Variants in PTPRD observed in about 807,000 individuals in gnomAD.
PTPRD encodes protein tyrosine phosphatase receptor type D.
Under a neutral mutation model 214.5 loss-of-function variants are expected in PTPRD, and 34 were observed. The ratio of observed to expected loss-of-function variants is 0.16; its 90% confidence interval spans 0.12 to 0.21. The LOEUF (loss-of-function observed/expected upper bound fraction) is 0.21, where lower values mean the gene tolerates loss of function less well. Among genes scored for constraint, PTPRD ranks in the 10% least tolerant of loss-of-function variants. The pLI, the probability that PTPRD is intolerant of heterozygous loss-of-function variation, is 1.00. For missense variants in PTPRD, 2,545 were observed against 2,398.7 expected, an observed-to-expected ratio of 1.06 and a Z score of -1.27; for synonymous variants, 1,128 against 845.7, an observed-to-expected ratio of 1.33 and a Z score of -5.79.
chr9:10,306,608 C>A (rs1039563351), intron 3 of PTPRD, among the ~76,000 whole-genome samples: 3 of 152,040 alleles, frequency 2.0e-5, no homozygotes, highest in Non-Finnish European at 2.9e-5. Flanking sequence ...AGCAGTTTCT[C>A]AATAAAAGTT....
intron 3 of PTPRD, among the ~76,000 whole-genome samples, chr9:10,140,514 T>A (rs566215245): frequency 6.6e-6 from 1 of 152,116 alleles, no homozygotes; most frequent in East Asian, 1.9e-4. Context: ...ATGGATAAAT[T>A]TCTCGACACA....
intron 3 of PTPRD, among the ~76,000 whole-genome samples, chr9:10,193,092 A>G: frequency 6.6e-6 from 1 of 151,956 alleles, no homozygotes; most frequent in Non-Finnish European, 1.5e-5. Flanking sequence ...AGCTTTGTCA[A>G]TTTCCAGATT....
chr9:9,220,896 C>G (rs967419745), intron 9 of PTPRD, among the ~76,000 whole-genome samples: 1 of 152,198 alleles, frequency 6.6e-6, no homozygotes, highest in Non-Finnish European at 1.5e-5. Flanking sequence ...ATTTTGCTGA[C>G]ACTTGCAGGT....
chr9:9,844,594 G>C (rs1466485673), intron 5 of PTPRD, among the ~76,000 whole-genome samples: 1 of 151,832 alleles, frequency 6.6e-6, no homozygotes, highest in East Asian at 1.9e-4. Flanking sequence ...ATATTAATTA[G>C]AAAAATAGGG....
chr9:9,594,512 C>T (rs2093084904), intron 7 of PTPRD, among the ~76,000 whole-genome samples: 1 of 152,000 alleles, frequency 6.6e-6, no homozygotes, highest in Non-Finnish European at 1.5e-5. Context: ...TATCCCAGCA[C>T]CATTTGTTGA....
intron 11 of PTPRD, among the ~76,000 whole-genome samples, chr9:8,834,388 T>C (rs1043024856): frequency 1.3e-5 from 2 of 151,672 alleles, no homozygotes; most frequent in Admixed American, 1.3e-4. Flanking sequence ...TAAAATGTTT[T>C]AAAAATTCAG....
At chr9:10,326,204 G>C (rs2154431216) in intron 3 of PTPRD, among the ~76,000 whole-genome samples, 1 of 151,734 alleles carries the variant, frequency 6.6e-6, no homozygotes. Context: ...CAGCTAGACT[G>C]GGCAATTTTT....
At chr9:9,989,016 CAAAAAAAAAAAAAAA>C (rs397836899) in intron 4 of PTPRD, among the ~76,000 whole-genome samples, 3,384 of 36,438 alleles carry the variant, frequency 0.093, 272 homozygotes, top group African/African-American at 0.24. Flanking sequence ...TTTCACTGAC[CAAAAAAAAAAAAAAA>C]AAAAAAAAAA....
intron 3 of PTPRD, among the ~76,000 whole-genome samples, chr9:10,076,316 G>A (rs10958872): frequency 0.19 from 28,850 of 152,014 alleles, 3,323 homozygotes; most frequent in South Asian, 0.29. Flanking sequence ...CAGCTGGGGA[G>A]AAAGGTTTAA....
chr9:8,680,059 T>C (rs1178119824), intron 12 of PTPRD, among the ~76,000 whole-genome samples: 1 of 152,138 alleles, frequency 6.6e-6, no homozygotes, highest in Non-Finnish European at 1.5e-5. Context: ...TTATAAATCA[T>C]ATTTTATATA....
chr9:8,457,155 C>T (rs1385726654), intron 33 of PTPRD, among the ~76,000 whole-genome samples: 3 of 152,086 alleles, frequency 2.0e-5, no homozygotes, highest in Admixed American at 2.0e-4. Context: ...ATCTGGTCCA[C>T]CCACTAACTT....
At chr9:10,484,745 C>T (rs1175670044) in intron 2 of PTPRD, among the ~76,000 whole-genome samples, 1 of 151,890 alleles carries the variant, frequency 6.6e-6, no homozygotes, top group East Asian at 1.9e-4. Flanking sequence ...GTTGTTTGAG[C>T]TCCTTATGTA....
intron 3 of PTPRD, among the ~76,000 whole-genome samples, chr9:10,335,137 TAGA>T (rs1305275428): frequency 6.6e-6 from 1 of 151,556 alleles, no homozygotes; most frequent in Non-Finnish European, 1.5e-5. Context: ...CAAGCCAATA[TAGA>T]AGGAGAAGAA....
At chr9:9,240,806 G>A (rs1321826614) in intron 9 of PTPRD, among the ~76,000 whole-genome samples, 2 of 152,054 alleles carry the variant, frequency 1.3e-5, no homozygotes, top group Non-Finnish European at 2.9e-5. Context: ...TTATGCCACA[G>A]AAACAACCAA....
intron 10 of PTPRD, among the ~76,000 whole-genome samples, chr9:9,065,427 G>A (rs982326723): frequency 2.6e-5 from 4 of 152,188 alleles, no homozygotes; most frequent in African/African-American, 4.8e-5. Context: ...TAGCATGTGT[G>A]AGGAACACCA....
intron 10 of PTPRD, among the ~76,000 whole-genome samples, chr9:9,166,910 C>A (rs2099905457): frequency 6.6e-6 from 1 of 152,146 alleles, no homozygotes; most frequent in Non-Finnish European, 1.5e-5. Context: ...AAGCCACCAC[C>A]TATTTTTGAA....
chr9:9,665,488 G>C (rs1330609253), intron 7 of PTPRD, among the ~76,000 whole-genome samples: 1 of 151,606 alleles, frequency 6.6e-6, no homozygotes, highest in Non-Finnish European at 1.5e-5. Flanking sequence ...ACTATGTTCT[G>C]GCTTTCTGAC....
rs537652756 is a variant in PTPRD at position 10,005,365 on chromosome 9, G to C, written c.-472+28353C>G. 8.7e-4 allele frequency among the ~76,000 whole-genome samples: 132 copies of C among 152,204 alleles called. 1 individual carries two copies. In the South Asian group the frequency reaches 0.014, roughly 16 times the overall value. On this transcript the variant is annotated intron_variant, in intron 4 of 45. Coordinates refer to ENST00000381196, the MANE Select transcript of PTPRD (RefSeq NM_002839.4). ...CAGATAAGACCAAGATTATCAAAAA[G>C]CAGTTGTAGGTTCTACTGTGCTCAG...
chr9:9,892,769 T>C lies in PTPRD; in HGVS notation c.-368+45738A>G, dbSNP rs144306986. 4.5e-3 allele frequency among the ~76,000 whole-genome samples: 681 copies of C among 152,016 alleles called. 8 individuals carry two copies. The highest frequency in any genetic ancestry group is 0.015 in the African/African-American group (636 of 41,472). On this transcript the variant is annotated intron_variant, in intron 5 of 45. Transcript: ENST00000381196. ...TAAAAAAAAAAAAATTGTGTCTTGT[T>C]CAGGGAAATAGCAATGGAAAGCTTG...
Sources: gnomAD v4.1 joint callset for allele counts (sites outside exome capture counted in the v4.1 genomes callset) on GRCh38, gnomAD v4.1.1 for gene constraint, MANE v1.5 for transcripts, NCBI Gene and HGNC (gene_info 2026-07-23, HGNC 2026-07-21) for gene names.